ARB2A: variants seen among roughly 807,000 people sequenced by gnomAD.
ARB2A encodes cotranscriptional regulator ARB2A.
chr5:93,853,197 G>T, the ARB2A span, among the ~76,000 whole-genome samples: 1 of 152,000 alleles, frequency 6.6e-6, no homozygotes, highest in Non-Finnish European at 1.5e-5. Context: ...GGATTCCTAG[G>T]TATTTTATTC....
the ARB2A span, among the ~76,000 whole-genome samples, chr5:94,008,674 C>T: frequency 6.6e-6 from 1 of 152,086 alleles, no homozygotes; most frequent in Non-Finnish European, 1.5e-5. Context: ...AGAAATTTTA[C>T]TTTCAAGTAA....
the ARB2A span, among the ~76,000 whole-genome samples, chr5:93,892,225 C>T: frequency 6.6e-6 from 1 of 152,076 alleles, no homozygotes; most frequent in Non-Finnish European, 1.5e-5. Flanking sequence ...AGGTTTTCAG[C>T]CAAAGAGAGG....
the ARB2A span, among the ~76,000 whole-genome samples, chr5:93,801,846 G>A: frequency 4.6e-5 from 7 of 152,144 alleles, no homozygotes; most frequent in African/African-American, 1.7e-4. Flanking sequence ...AATACAGGCA[G>A]CATGGCCTGA....
At chr5:93,946,737 A>T in the ARB2A span, among the ~76,000 whole-genome samples, 5 of 152,198 alleles carry the variant, frequency 3.3e-5, no homozygotes, top group Non-Finnish European at 7.4e-5. Context: ...TTATTTTGAT[A>T]CTATGTCTTG....
At chr5:93,777,858 T>C in the ARB2A span, among the ~76,000 whole-genome samples, 1 of 152,182 alleles carries the variant, frequency 6.6e-6, no homozygotes, top group African/African-American at 2.4e-5. Context: ...GGCCGAGGAA[T>C]GGCTTTTGAA....
chr5:93,950,612 C>T, the ARB2A span, among the ~76,000 whole-genome samples: 1 of 140,372 alleles, frequency 7.1e-6, no homozygotes, highest in Admixed American at 7.1e-5. Context: ...CACTGCACTG[C>T]AGCCTGGGTG....
chr5:93,921,291 T>G, the ARB2A span, among the ~76,000 whole-genome samples: 1 of 152,124 alleles, frequency 6.6e-6, no homozygotes, highest in Non-Finnish European at 1.5e-5. Flanking sequence ...GACTGCAGGA[T>G]TGCTATAAGA....
At chr5:93,962,303 C>T in the ARB2A span, among the ~76,000 whole-genome samples, 6 of 152,078 alleles carry the variant, frequency 3.9e-5, no homozygotes, top group Non-Finnish European at 5.9e-5. Context: ...TAATAAACTA[C>T]GTGAAAATTT....
At chr5:94,009,400 C>G in the ARB2A span, among the ~76,000 whole-genome samples, 3 of 151,900 alleles carry the variant, frequency 2.0e-5, no homozygotes, top group South Asian at 6.2e-4. Context: ...TCAAAGTTCC[C>G]CAGTATAAGA....
the ARB2A span, among the ~76,000 whole-genome samples, chr5:93,720,880 T>C: frequency 6.6e-6 from 1 of 152,204 alleles, no homozygotes; most frequent in Admixed American, 6.5e-5. Flanking sequence ...ACTCACTGTT[T>C]TCTTTTTCAT....
the ARB2A span, chr5:93,740,854 G>C: frequency 6.2e-7 from 1 of 1,613,846 alleles, no homozygotes; most frequent in African/African-American, 1.3e-5. Context: ...GATTTGCTGG[G>C]GTGTGGGCTT....
At chr5:93,618,312 T>C in the ARB2A span, 2 of 152,152 alleles carry the variant, frequency 1.3e-5, no homozygotes, top group Non-Finnish European at 2.9e-5. Context: ...AGCAATAATC[T>C]GGCCTTTAAG....
At chr5:93,620,662 C>A in the ARB2A span, 2 of 218,212 alleles carry the variant, frequency 9.2e-6, no homozygotes, top group Non-Finnish European at 1.8e-5. Flanking sequence ...CCGCCGGACC[C>A]GCAGCGCCCG....
chr5:93,691,914 C>T, the ARB2A span, among the ~76,000 whole-genome samples: 7 of 152,066 alleles, frequency 4.6e-5, no homozygotes, highest in East Asian at 1.9e-4. Context: ...AATTTCATAC[C>T]GAGCCAAACT....
chr5:93,852,741 GT>G, the ARB2A span, among the ~76,000 whole-genome samples: 4 of 152,032 alleles, frequency 2.6e-5, no homozygotes, highest in African/African-American at 9.7e-5. Context: ...TTTTTCTCAG[GT>G]TTGTCAAAGA....
At chr5:93,939,701 C>G in the ARB2A span, among the ~76,000 whole-genome samples, 1 of 152,020 alleles carries the variant, frequency 6.6e-6, no homozygotes, top group African/African-American at 2.4e-5. Flanking sequence ...GACCTTCCTA[C>G]AAATATTAAT....
the ARB2A span, among the ~76,000 whole-genome samples, chr5:93,723,645 G>A: frequency 6.6e-6 from 1 of 152,060 alleles, no homozygotes; most frequent in South Asian, 2.1e-4. Context: ...TCAACAAACA[G>A]TGGCTGGTGA....
the ARB2A span, among the ~76,000 whole-genome samples, chr5:93,914,105 A>C: frequency 6.6e-6 from 1 of 152,070 alleles, no homozygotes; most frequent in Admixed American, 6.6e-5. Context: ...CACAGTAGAC[A>C]AACTAAACTC....
chr5:94,062,994 A>G, the ARB2A span, among the ~76,000 whole-genome samples: 1 of 152,234 alleles, frequency 6.6e-6, no homozygotes, highest in African/African-American at 2.4e-5. Context: ...CAAAGCATGC[A>G]ATCCCAACCA....
Sources: allele counts gnomAD v4.1 joint callset (sites outside exome capture counted in the v4.1 genomes callset), GRCh38; gene constraint gnomAD v4.1.1; transcripts MANE v1.5; gene names NCBI Gene and HGNC (gene_info 2026-07-23, HGNC 2026-07-21).